CDKAL1: variants seen among roughly 807,000 people sequenced by gnomAD.
CDKAL1 encodes CDKAL1 threonylcarbamoyladenosine tRNA methylthiotransferase.
Under a neutral mutation model 68.2 loss-of-function variants are expected in CDKAL1, and 32 were observed. The observed-to-expected ratio is 0.47, with a 90% confidence interval of 0.35 to 0.63. The LOEUF (loss-of-function observed/expected upper bound fraction) is 0.63. CDKAL1 is among the 30% of genes least tolerant of loss of function. CDKAL1 has a pLI of 0.00. For synonymous variants in CDKAL1, 234 were observed against 244.3 expected (o/e 0.96, Z 0.39); for missense variants, 606 against 696.7 (o/e 0.87, Z 1.47).
intron 8 of CDKAL1, among the ~76,000 whole-genome samples, chr6:20,805,326 C>T (rs1340475095): frequency 6.6e-6 from 1 of 152,222 alleles, no homozygotes; most frequent in East Asian, 1.9e-4. Context: ...CTAGAGACCC[C>T]TGAAACTGGA....
chr6:20,749,731 T>G (rs772115988), intron 6 of CDKAL1, among the ~76,000 whole-genome samples: 18 of 151,842 alleles, frequency 1.2e-4, no homozygotes, highest in Non-Finnish European at 2.2e-4. Context: ...GTATTTTTAG[T>G]AGAGATGGGG....
chr6:20,881,736 A>G (rs1338468029), intron 9 of CDKAL1, among the ~76,000 whole-genome samples: 1 of 151,678 alleles, frequency 6.6e-6, no homozygotes, highest in Non-Finnish European at 1.5e-5. Context: ...TTTTTTTATT[A>G]TGGTTGTGCA....
At chr6:20,959,205 A>G (rs1437590884) in intron 10 of CDKAL1, among the ~76,000 whole-genome samples, 1 of 152,212 alleles carries the variant, frequency 6.6e-6, no homozygotes, top group African/African-American at 2.4e-5. Context: ...TGTTTGGGAC[A>G]TCTGCAAACT....
chr6:20,782,458 T>C (rs1775472004), intron 8 of CDKAL1, among the ~76,000 whole-genome samples: 1 of 152,196 alleles, frequency 6.6e-6, no homozygotes, highest in Non-Finnish European at 1.5e-5. Context: ...AGCCGAATTA[T>C]AAATGCAAGG....
chr6:20,559,870 T>C (rs1764200581), intron 4 of CDKAL1, among the ~76,000 whole-genome samples: 1 of 152,212 alleles, frequency 6.6e-6, no homozygotes, highest in South Asian at 2.1e-4. Flanking sequence ...TTTGGGATAA[T>C]TTATTTAGAA....
At chr6:21,036,500 G>GT (rs1165357670) in intron 11 of CDKAL1, among the ~76,000 whole-genome samples, 2 of 152,138 alleles carry the variant, frequency 1.3e-5, no homozygotes, top group African/African-American at 4.8e-5. Flanking sequence ...GAAACCAACT[G>GT]TTGATACTAC....
intron 8 of CDKAL1, among the ~76,000 whole-genome samples, chr6:20,805,480 G>A (rs886082819): frequency 3.3e-5 from 5 of 152,182 alleles, no homozygotes; most frequent in African/African-American, 4.8e-5. Context: ...CAAAATAAAA[G>A]CATAGTTTGA....
chr6:21,007,921 A>G (rs1319862147), intron 11 of CDKAL1, among the ~76,000 whole-genome samples: 1 of 152,238 alleles, frequency 6.6e-6, no homozygotes, highest in Non-Finnish European at 1.5e-5. Context: ...TTCCTCTAGC[A>G]CTGGAGACAA....
chr6:20,734,933 G>A (rs62397657), intron 5 of CDKAL1, among the ~76,000 whole-genome samples: 10,663 of 143,408 alleles, frequency 0.074, 520 homozygotes, highest in African/African-American at 0.15. Context: ...GCAGTGGTGC[G>A]ATCTTGGCTC....
In CDKAL1 at chr6:21,100,326, T is replaced by C. The variant is rs111683509; in HGVS notation, c.1237-8075T>C. Among the ~76,000 whole-genome samples, 519 of 152,340 alleles carry C rather than the reference T, an allele frequency of 3.4e-3. 5 individuals are homozygous for C. Among genetic ancestry groups the C allele is most frequent in the Middle Eastern group, 0.014 (4 of 294 alleles). On this transcript the variant is annotated intron_variant, in intron 12 of 15. Coordinates refer to ENST00000274695, the MANE Select transcript of CDKAL1 (RefSeq NM_017774.3). ...AAATTCACTTACCTATTTTCTAACT[T>C]CCACTCTTAGAGAAGTCTGCTGTTT...
rs142188962 is a variant in CDKAL1 at position 20,781,663 on chromosome 6, C to T, written c.638+398C>T. 4.4e-3 allele frequency among the ~76,000 whole-genome samples: 665 copies of T among 152,178 alleles called. 6 individuals carry two copies. The highest frequency in any genetic ancestry group is 0.015 in the African/African-American group (625 of 41,506). On this transcript the variant is annotated intron_variant, in intron 8 of 15. Transcript: ENST00000274695. Reference sequence around the variant, plus strand: ...ATACTAACCACGTTTTGATTATTCACTATTTGAAATGCATATTTTAAAATG... The same window carrying T: ...ATACTAACCACGTTTTGATTATTCATTATTTGAAATGCATATTTTAAAATG...
chr6:21,205,634 C>G (rs1423476408), intron 15 of CDKAL1, among the ~76,000 whole-genome samples: 2 of 151,308 alleles, frequency 1.3e-5, no homozygotes, highest in Non-Finnish European at 2.9e-5. Flanking sequence ...GGGTTCACGC[C>G]ATTCTCCTGC....
chr6:21,117,457 G>A (rs1774474142), intron 13 of CDKAL1, among the ~76,000 whole-genome samples: 1 of 141,652 alleles, frequency 7.1e-6, no homozygotes, highest in Admixed American at 7.0e-5. Context: ...GGGCAACATG[G>A]CAAAATCCTA....
At chr6:21,115,154 T>G (rs1389508450) in intron 13 of CDKAL1, among the ~76,000 whole-genome samples, 1 of 152,228 alleles carries the variant, frequency 6.6e-6, no homozygotes, top group Non-Finnish European at 1.5e-5. Flanking sequence ...CTTACTGATT[T>G]ACATTTCTCT....
chr6:20,801,078 T>C (rs1313320814), intron 8 of CDKAL1, among the ~76,000 whole-genome samples: 1 of 152,130 alleles, frequency 6.6e-6, no homozygotes, highest in Non-Finnish European at 1.5e-5. Context: ...CCATCACACC[T>C]GGCTAATTAT....
At chr6:20,992,618 G>T (rs549365781) in intron 10 of CDKAL1, among the ~76,000 whole-genome samples, 2 of 152,116 alleles carry the variant, frequency 1.3e-5, no homozygotes, top group African/African-American at 2.4e-5. Flanking sequence ...GCTAGGCATG[G>T]TGGGCATGGT....
chr6:21,170,176 G>A (rs1777322845), intron 13 of CDKAL1, among the ~76,000 whole-genome samples: 1 of 152,232 alleles, frequency 6.6e-6, no homozygotes, highest in Admixed American at 6.5e-5. Flanking sequence ...TGGCACCTGA[G>A]ATGGTCACTG....
At chr6:20,716,669 G>C (rs977181693) in intron 5 of CDKAL1, among the ~76,000 whole-genome samples, 1 of 151,580 alleles carries the variant, frequency 6.6e-6, no homozygotes, top group Admixed American at 6.6e-5. Context: ...TTTTCTGTTT[G>C]TTTTGTTTGG....
intron 9 of CDKAL1, among the ~76,000 whole-genome samples, chr6:20,846,798 T>C (rs186462268): frequency 6.6e-5 from 10 of 152,308 alleles, no homozygotes; most frequent in African/African-American, 2.2e-4. Flanking sequence ...GTAAGACTTA[T>C]CTTTAACATG....
Sources: gnomAD v4.1 joint callset for allele counts (sites outside exome capture counted in the v4.1 genomes callset) on GRCh38, gnomAD v4.1.1 for gene constraint, MANE v1.5 for transcripts, NCBI Gene and HGNC (gene_info 2026-07-23, HGNC 2026-07-21) for gene names.